The following DENND5A variants were observed in gnomAD, a reference collection of about 807,000 sequenced individuals.
The protein encoded by DENND5A is DENN domain containing 5A, also known as DENN domain-containing protein 5A.
A neutral mutation model predicts 140.3 loss-of-function variants in DENND5A; 64 were observed. The ratio of observed to expected loss-of-function variants is 0.46; its 90% CI spans 0.37 to 0.56. The LOEUF (loss-of-function observed/expected upper bound fraction) is 0.56. DENND5A is among the 20% of genes least tolerant of loss of function. The pLI, the probability that DENND5A is intolerant of heterozygous loss-of-function variation, is 0.00. For synonymous variants in DENND5A, 605 were observed against 607.7 expected (o/e 1.00, Z 0.07); for missense variants, 1,292 against 1,593.8 (o/e 0.81, Z 3.22).
Position 9,180,998 on chromosome 11 carries a change from G to C in DENND5A, c.1224C>G (p.Val408=), listed in dbSNP as rs184550547. Residue 408 remains valine, a synonymous_variant, in exon 6 of 23, where the codon GTC becomes GTG. Coordinates refer to ENST00000328194, the MANE Select transcript of DENND5A (RefSeq NM_015213.4). ...LPQFPNKLEF[V]QEVSEILMAF... is the part of the protein sequence containing the mutation. ...CCATGAGAATCTCAGAGACTTCCTG[G>C]ACAAACTCCAATTTGTTGGGGAACT... is the stretch of plus-strand genomic sequence containing the variant. 8.7e-6 allele frequency: 14 copies of C among 1,613,978 alleles called. No individual in the cohort carries two copies. In the African/African-American group the frequency reaches 1.7e-4, roughly 20 times the overall value.
intron 10 of DENND5A, among the ~76,000 whole-genome samples, chr11:9,166,662 T>A (rs1848202043): frequency 6.6e-6 from 1 of 151,846 alleles, no homozygotes; most frequent in Non-Finnish European, 1.5e-5. Context: ...TGAAACTCCA[T>A]CTTTACTAAA....
chr11:9,251,938 G>A (rs1314453686), intron 1 of DENND5A, among the ~76,000 whole-genome samples: 13 of 151,058 alleles, frequency 8.6e-5, no homozygotes, highest in African/African-American at 2.4e-5. Context: ...GCAGTGAGCC[G>A]AGATGGCACC....
intron 1 of DENND5A, among the ~76,000 whole-genome samples, chr11:9,208,410 T>C (rs945293994): frequency 1.3e-5 from 2 of 152,178 alleles, no homozygotes; most frequent in Non-Finnish European, 2.9e-5. Context: ...AAGGGACTTG[T>C]GGTTATTAAG....
intron 1 of DENND5A, 39 bp from the exon 2 acceptor site, chr11:9,207,671 C>T (rs1315377061): frequency 7.0e-7 from 1 of 1,431,258 alleles, no homozygotes; most frequent in Non-Finnish European, 9.8e-7. Flanking sequence ...TACAATAAAG[C>T]AGTGTTATTC....
chr11:9,179,194 G>T, intron 6 of DENND5A, 121 bp from the exon 7 acceptor site: 1 of 812,596 alleles, frequency 1.2e-6, no homozygotes, highest in Non-Finnish European at 1.9e-6. Context: ...AGCAGGAAAT[G>T]ATGAGAACAA....
intron 1 of DENND5A, among the ~76,000 whole-genome samples, chr11:9,244,734 G>A (rs1851391815): frequency 6.6e-6 from 1 of 152,124 alleles, no homozygotes; most frequent in Admixed American, 6.6e-5. Context: ...AGAGTGCAGT[G>A]TCACTATCTC....
chr11:9,180,615 T>C, intron 6 of DENND5A, 152 bp downstream of exon 6: 2 of 730,508 alleles, frequency 2.7e-6, no homozygotes, highest in East Asian at 5.0e-5. Flanking sequence ...ATCTGCCAGA[T>C]GGAATTCAGA....
chr11:9,190,641 T>C (rs1849089855), intron 5 of DENND5A, among the ~76,000 whole-genome samples: 1 of 152,152 alleles, frequency 6.6e-6, no homozygotes, highest in Non-Finnish European at 1.5e-5. Context: ...GGTATGTCTT[T>C]CTCAGCAGTG....
At chr11:9,213,001 ATTT>A (rs71062814) in intron 1 of DENND5A, among the ~76,000 whole-genome samples, 1 of 126,294 alleles carries the variant, frequency 7.9e-6, no homozygotes, top group Non-Finnish European at 1.6e-5. Context: ...CCTGGTTCTG[ATTT>A]TTTTTTTTTT....
chr11:9,139,749 G>A lies in DENND5A; in HGVS notation c.3786C>T (p.Ser1262=). The A allele has an allele frequency of 6.2e-7, 1 of 1,614,118 alleles. No homozygotes were observed. The part of the protein sequence containing the change: ...ALIKDHTLVN[S]LIRVLQTLQE... Reference sequence around the variant, plus strand: ...GCAATGTCTGCAGCACACGAATCAAGGAATTGACAAGTGTATGGTCTTTGA... The same window carrying A: ...GCAATGTCTGCAGCACACGAATCAAAGAATTGACAAGTGTATGGTCTTTGA... Residue 1262 remains serine (S), a synonymous_variant, in exon 23 of 23, where the codon TCC becomes TCT. Coordinates refer to ENST00000328194, the MANE Select transcript of DENND5A (RefSeq NM_015213.4).
intron 6 of DENND5A, among the ~76,000 whole-genome samples, chr11:9,180,242 C>T (rs1280441870): frequency 6.6e-6 from 1 of 151,860 alleles, no homozygotes; most frequent in African/African-American, 2.4e-5. Context: ...TGCTTGAGCC[C>T]GGAAGTTTGA....
chr11:9,142,039 C>T lies in DENND5A; in HGVS notation c.3581G>A (p.Arg1194Lys). The stretch of plus-strand genomic sequence containing the variant: ...GACAAATCGGCAGAAGTTCCGGGCT[C>T]TTGTATGCCAGTTTTCCTCAGGGAC... ...EVVPEENWHT[R>K]ARNFCRFVTA... Residue 1194 changes from arginine to lysine, a missense_variant, in exon 22 of 23, where the codon AGA becomes AAA. By Grantham distance (26) the Arg-to-Lys change is conservative (BLOSUM62 2). Around this residue, in one of 4 missense-constraint regions of DENND5A, gnomAD observed 498 missense variants for 689.7 expected, o/e 0.72. Transcript: ENST00000328194. 3.1e-6 allele frequency: 5 copies of T among 1,606,424 alleles called. No individual in the cohort carries two copies. The highest frequency in any genetic ancestry group is 4.2e-6 in the Non-Finnish European group (5 of 1,176,532).
At chr11:9,193,939 C>G (rs535384442) in intron 4 of DENND5A, among the ~76,000 whole-genome samples, 7 of 152,152 alleles carry the variant, frequency 4.6e-5, no homozygotes, top group Non-Finnish European at 1.0e-4. Context: ...GGAAATACAA[C>G]AAAAATAATT....
Position 9,204,305 on chromosome 11 carries a change from T to C in DENND5A, c.304A>G (p.Lys102Glu), listed in dbSNP as rs1475604621. Residue 102 changes from lysine to glutamate, a missense_variant, in exon 4 of 23, where the codon AAA becomes GAA. Lys to Glu is a moderately conservative substitution (Grantham distance 56, BLOSUM62 1). Transcript: ENST00000328194. ...QDAVGMLCMP[K>E]GLAFKTQADP... ...GCCTGGGTCTTGAATGCCAGCCCTT[T>C]CGGCATACATAGCTGCAAAAGACAA... 6.2e-7 allele frequency: 1 copy of C among 1,610,174 alleles called. No homozygotes were observed. The highest frequency in any genetic ancestry group is 1.1e-5 in the South Asian group (1 of 91,062).
chr11:9,162,552 T>A (rs1848023784), intron 11 of DENND5A, among the ~76,000 whole-genome samples: 1 of 152,116 alleles, frequency 6.6e-6, no homozygotes, highest in South Asian at 2.1e-4. Flanking sequence ...ATTTTATTTA[T>A]AAATACTGTC....
At chr11:9,236,870 T>C (rs1851025731) in intron 1 of DENND5A, among the ~76,000 whole-genome samples, 2 of 152,224 alleles carry the variant, frequency 1.3e-5, no homozygotes, top group Non-Finnish European at 2.9e-5. Context: ...GTATATATTA[T>C]TTCATTGTGA....
Position 9,139,714 on chromosome 11 carries a change from T to G in DENND5A, c.3821A>C (p.Asn1274Thr), listed in dbSNP as rs774762146. 4 of 1,613,902 alleles carry G rather than the reference T, an allele frequency of 2.5e-6. No homozygotes were observed. The highest frequency in any genetic ancestry group is 3.4e-6 in the Non-Finnish European group (4 of 1,179,992). Reference protein sequence around the residue: ...IRVLQTLQEFNITLETSLVKG... With the variant: ...IRVLQTLQEFTITLETSLVKG... ...GACAAGGGACGTCTCCAGCGTGATGTTGAACTCCTGCAATGTCTGCAGCAC... is the reference window on the plus strand; with the variant it reads ...GACAAGGGACGTCTCCAGCGTGATGGTGAACTCCTGCAATGTCTGCAGCAC... Residue 1274 changes from asparagine to threonine, a missense_variant, in exon 23 of 23, where the codon AAC becomes ACC. Physicochemically the swap from Asn to Thr is moderately conservative, Grantham distance 65. This residue lies in a region of DENND5A where 498 missense variants were observed against 689.7 expected (regional missense o/e 0.72). Transcript: ENST00000328194.
chr11:9,195,339 G>C (rs552903767), intron 4 of DENND5A, among the ~76,000 whole-genome samples: 1 of 152,126 alleles, frequency 6.6e-6, no homozygotes, highest in South Asian at 2.1e-4. Context: ...GCCTCCCAAA[G>C]TGCTGGGATT....
At chr11:9,238,833 C>CTTT (rs35267899) in intron 1 of DENND5A, among the ~76,000 whole-genome samples, 1 of 142,070 alleles carries the variant, frequency 7.0e-6, no homozygotes, top group African/African-American at 2.6e-5. Flanking sequence ...TTTCTTTTTT[C>CTTT]TTTTTTTTTT....
Sources: allele counts gnomAD v4.1 joint callset (sites outside exome capture counted in the v4.1 genomes callset), GRCh38; gene constraint gnomAD v4.1.1; regional missense constraint gnomAD v4.1.1; transcripts MANE v1.5; gene names NCBI Gene and HGNC (gene_info 2026-07-23, HGNC 2026-07-21).